Variants in CCDC171 observed in about 807,000 individuals in gnomAD.
CCDC171 encodes the protein coiled-coil domain containing 171.
CCDC171 carries 177 observed loss-of-function variants against 168.2 expected under a neutral mutation model. The observed-to-expected ratio is 1.05, with a 90% CI of 0.93 to 1.19. The LOEUF (loss-of-function observed/expected upper bound fraction) is 1.19, where lower values mean the gene tolerates loss of function less well. Ranked by LOEUF, CCDC171 falls within the 50% of genes most tolerant of loss-of-function variation. CCDC171 has a pLI of 0.00. For synonymous variants in CCDC171, 687 were observed against 540.8 expected (o/e 1.27, Z -3.75); for missense variants, 1,991 against 1,539.0 (o/e 1.29, Z -4.91).
intron 4 of CCDC171, among the ~76,000 whole-genome samples, chr9:15,584,060 G>A (rs1013694644): frequency 1.3e-5 from 2 of 152,012 alleles, no homozygotes; most frequent in African/African-American, 2.4e-5. Flanking sequence ...GTAGAGACGG[G>A]GTTTCACCAT....
the CCDC171 span, among the ~76,000 whole-genome samples, chr9:16,076,452 G>C: frequency 6.6e-6 from 1 of 152,118 alleles, no homozygotes; most frequent in African/African-American, 2.4e-5. Context: ...GTGTGGGAGG[G>C]AGCCGGAAGC....
At chr9:16,004,122 A>G (rs940152918) in intron 3 of CCDC171, among the ~76,000 whole-genome samples, 1 of 152,214 alleles carries the variant, frequency 6.6e-6, no homozygotes, top group Admixed American at 6.5e-5. Context: ...CAGTCAGGCT[A>G]TCTGAGATAT....
chr9:15,556,866 G>A (rs13302154), intron 1 of CCDC171, among the ~76,000 whole-genome samples: 1 of 152,016 alleles, frequency 6.6e-6, no homozygotes, highest in Non-Finnish European at 1.5e-5. Flanking sequence ...GGGTTTTTAT[G>A]GTTTTAGGTC....
intron 6 of CCDC171, among the ~76,000 whole-genome samples, chr9:16,031,986 C>T (rs1833371337): frequency 6.6e-6 from 1 of 152,182 alleles, no homozygotes; most frequent in African/African-American, 2.4e-5. Context: ...CAGTGCTGCT[C>T]AACTCACAAA....
At chr9:15,810,409 C>T (rs972709467) in intron 21 of CCDC171, among the ~76,000 whole-genome samples, 7 of 151,046 alleles carry the variant, frequency 4.6e-5, no homozygotes, top group African/African-American at 1.7e-4. Flanking sequence ...ACTCCTCAGC[C>T]CTTGGGAGGT....
chr9:15,964,679 A>T (rs1251093980), intron 25 of CCDC171, among the ~76,000 whole-genome samples: 2 of 152,224 alleles, frequency 1.3e-5, no homozygotes, highest in East Asian at 3.8e-4. Context: ...CTGGAGAAGA[A>T]AATGGGACAT....
At chr9:15,966,438 G>T (rs2987011) in intron 25 of CCDC171, among the ~76,000 whole-genome samples, 76,716 of 151,950 alleles carry the variant, frequency 0.5, 20,758 homozygotes, top group African/African-American at 0.72. Context: ...AAGGGCATAG[G>T]TATAGGGAAG....
At chr9:15,684,975 C>T in intron 10 of CCDC171, among the ~76,000 whole-genome samples, 1 of 152,174 alleles carries the variant, frequency 6.6e-6, no homozygotes, top group Non-Finnish European at 1.5e-5. Flanking sequence ...ACATCATCTG[C>T]TTAGCCAACA....
rs202005577 is a variant in CCDC171 at position 16,012,543 on chromosome 9, AT to A, written n.369-8035del. On this transcript the variant is annotated intron_variant and non_coding_transcript_variant, in intron 3 of 9. Coordinates refer to the CCDC171 transcript ENST00000486641. Reference sequence around the variant, plus strand: ...CTTTAATCTCCATATTTTCTATTGAATTTTTTTTTTTACTATAACCCGGATA... The same window carrying A: ...CTTTAATCTCCATATTTTCTATTGAATTTTTTTTTTACTATAACCCGGATA... 5.6e-4 allele frequency among the ~76,000 whole-genome samples: 81 copies of A among 145,736 alleles called. No individual in the cohort carries two copies. The East Asian group carries it at 6.7e-3, about 12-fold the overall frequency.
At chr9:15,720,364 C>T (rs963619638) in intron 11 of CCDC171, among the ~76,000 whole-genome samples, 1 of 152,036 alleles carries the variant, frequency 6.6e-6, no homozygotes, top group African/African-American at 2.4e-5. Flanking sequence ...TACTATCTTT[C>T]TCTTATTAAA....
chr9:15,903,301 C>G (rs975975886), intron 24 of CCDC171, among the ~76,000 whole-genome samples: 1 of 152,074 alleles, frequency 6.6e-6, no homozygotes, highest in Non-Finnish European at 1.5e-5. Flanking sequence ...CAGACTGACA[C>G]CTCACATGGC....
intron 24 of CCDC171, among the ~76,000 whole-genome samples, chr9:15,910,188 ACAC>A (rs1381826640): frequency 7.2e-5 from 11 of 152,022 alleles, no homozygotes; most frequent in Non-Finnish European, 1.3e-4. Flanking sequence ...ACACACACAC[ACAC>A]ACACACACAC....
At chr9:15,563,220 C>G (rs1208614887) in intron 1 of CCDC171, among the ~76,000 whole-genome samples, 1 of 151,258 alleles carries the variant, frequency 6.6e-6, no homozygotes, top group African/African-American at 2.4e-5. Context: ...CTCACTGCAA[C>G]CTCCGCCTCC....
chr9:15,999,473 A>G (rs1832475553), intron 3 of CCDC171, among the ~76,000 whole-genome samples: 1 of 152,124 alleles, frequency 6.6e-6, no homozygotes, highest in South Asian at 2.1e-4. Context: ...AGGGCCTGAT[A>G]TAGTGCCATC....
chr9:15,554,524 A>G (rs1042057591), intron 1 of CCDC171, among the ~76,000 whole-genome samples: 4 of 152,174 alleles, frequency 2.6e-5, no homozygotes, highest in Admixed American at 2.6e-4. Context: ...CCCACAGGCA[A>G]ACCACCTAAC....
At chr9:15,682,839 C>G (rs2050130801) in intron 10 of CCDC171, among the ~76,000 whole-genome samples, 1 of 151,916 alleles carries the variant, frequency 6.6e-6, no homozygotes, top group African/African-American at 2.4e-5. Flanking sequence ...GTTTCAAAAT[C>G]TATGAATTTA....
intron 24 of CCDC171, among the ~76,000 whole-genome samples, chr9:15,884,390 T>G (rs1422932493): frequency 1.3e-5 from 2 of 152,230 alleles, no homozygotes; most frequent in African/African-American, 2.4e-5. Flanking sequence ...ATATATAGAT[T>G]GCTTAGTTTT....
intron 6 of CCDC171, among the ~76,000 whole-genome samples, chr9:15,600,950 A>G (rs888972984): frequency 1.1e-4 from 16 of 152,142 alleles, no homozygotes; most frequent in East Asian, 1.9e-4. Flanking sequence ...GCGGGATACA[A>G]TCTCCTGGTG....
chr9:15,823,251 C>G (rs1282737508), intron 21 of CCDC171, among the ~76,000 whole-genome samples: 1 of 151,918 alleles, frequency 6.6e-6, no homozygotes, highest in Admixed American at 6.6e-5. Context: ...GTGCAGCACA[C>G]CAACATGGCA....
Sources: gnomAD v4.1 joint callset for allele counts (sites outside exome capture counted in the v4.1 genomes callset) on GRCh38, gnomAD v4.1.1 for gene constraint, MANE v1.5 for transcripts, NCBI Gene and HGNC (gene_info 2026-07-23, HGNC 2026-07-21) for gene names.